Variants in FANCA observed in about 807,000 individuals in gnomAD.
FANCA encodes the protein FA complementation group A, also known as Fanconi anemia group A protein.
Under a neutral mutation model 194.3 loss-of-function variants are expected in FANCA, and 236 were observed. That is an observed-to-expected ratio of 1.21 (90% CI 1.09 to 1.35). The LOEUF (loss-of-function observed/expected upper bound fraction) is 1.35, where lower values mean the gene tolerates loss of function less well. Among genes scored for constraint, FANCA ranks in the 40% most tolerant of loss-of-function variants. FANCA has a pLI of 0.00. For synonymous variants in FANCA, 1,014 were observed against 715.8 expected, an observed-to-expected ratio of 1.42 and a Z score of -6.65; for missense variants, 2,628 against 1,813.9, an observed-to-expected ratio of 1.45 and a Z score of -8.15.
chr16:89,761,891 C>A, intron 29 of FANCA, 58 bp downstream of exon 29: 1 of 1,393,164 alleles, frequency 7.2e-7, no homozygotes. Context: ...TCCCAAAGTG[C>A]TGGGATTATA....
At chr16:89,803,427 G>T in intron 7 of FANCA, 86 bp from the exon 8 acceptor site, 2 of 1,270,874 alleles carry the variant, frequency 1.6e-6, no homozygotes, top group Non-Finnish European at 2.3e-6. Flanking sequence ...CTTCAGAGGG[G>T]CGGGTGAGCA....
chr16:89,739,640 A>G, intron 39 of FANCA, 87 bp from the exon 40 acceptor site: 2 of 1,511,516 alleles, frequency 1.3e-6, no homozygotes, highest in Non-Finnish European at 1.8e-6. Flanking sequence ...CGGGACGTGT[A>G]CCCTGGGAGG....
intron 34 of FANCA, 21 bp downstream of exon 34, chr16:89,746,810 G>C (rs753592540): frequency 6.4e-6 from 10 of 1,571,114 alleles, no homozygotes; most frequent in Non-Finnish European, 8.6e-6. Flanking sequence ...GGCCACGAGA[G>C]GGGCTGAGGG....
rs1195035194 is a variant in FANCA, at chr16:89,745,119, CA to C, written c.3514-49del. ...CAGATGAGGGTGGCTGAGATGGACACACCTCCGCTGCCCCAGCCATGACAAG... is the reference window on the plus strand; with the variant it reads ...CAGATGAGGGTGGCTGAGATGGACACCCTCCGCTGCCCCAGCCATGACAAG... On this transcript the variant is annotated intron_variant, in intron 35 of 42. Coordinates refer to ENST00000389301, the MANE Select transcript of FANCA (RefSeq NM_000135.4). 1.7e-5 allele frequency: 26 copies of C among 1,505,334 alleles called. No individual in the cohort carries two copies. The East Asian group carries it at 6.4e-4, about 37-fold the overall frequency. 93.2% of individuals were successfully genotyped at this position (1,505,334 alleles called of 1,614,324 possible).
At position 89,740,636 on chromosome 16, in the gene FANCA, CA is replaced by C. The variant is rs371709074; in HGVS notation, c.3828+167del. The C allele has an allele frequency of 0.11, 50,041 of 444,902 alleles. 70 individuals are homozygous for C. The highest frequency in any genetic ancestry group is 0.14 in the South Asian group (5,956 of 41,792). The allele number at this position is 444,902 out of a possible 1,614,324, so 27.6% of individuals were successfully genotyped here. A position where few individuals can be genotyped will look rare whatever the true frequency, so the allele number is the denominator to read the frequency against. On this transcript the variant is annotated intron_variant, in intron 38 of 42. Coordinates refer to ENST00000389301, the MANE Select transcript of FANCA (RefSeq NM_000135.4). ...GGGTGACAGAGTGAGACCCCCATCT[CA>C]AAAAAAAAAAAAAAAAACCCACGGC... is the stretch of plus-strand genomic sequence containing the variant.
chr16:89,760,906 G>A (rs929484730), intron 29 of FANCA, among the ~76,000 whole-genome samples: 2 of 152,130 alleles, frequency 1.3e-5, no homozygotes, highest in East Asian at 1.9e-4. Flanking sequence ...CTGGACACAG[G>A]TGTACAGCTC....
intron 3 of FANCA, among the ~76,000 whole-genome samples, chr16:89,812,949 C>A (rs2040956900): frequency 6.6e-6 from 1 of 150,732 alleles, no homozygotes; most frequent in African/African-American, 2.4e-5. Context: ...AGGAGAATTG[C>A]TTGAACCCAG....
At chr16:89,739,617 C>T in intron 39 of FANCA, 64 bp from the exon 40 acceptor site, 1 of 1,532,582 alleles carries the variant, frequency 6.5e-7, no homozygotes, top group Non-Finnish European at 8.8e-7. Flanking sequence ...GTGCTGGGGA[C>T]ACCCCTGGGG....
intron 1 of FANCA, 65 bp downstream of exon 1, chr16:89,816,470 CGG>C (rs1567659928): frequency 7.3e-7 from 1 of 1,366,310 alleles, no homozygotes; most frequent in South Asian, 1.4e-5. Context: ...GGGAAGGGAT[CGG>C]GGAACCGGCG....
At chr16:89,753,915 C>T (rs147511590) in intron 30 of FANCA, among the ~76,000 whole-genome samples, 1,954 of 152,224 alleles carry the variant, frequency 0.013, 33 homozygotes, top group South Asian at 0.091. Context: ...ATTAGACGGG[C>T]GTGTTAGCGG....
In FANCA at chr16:89,746,666, C is replaced by T. The variant is rs138112218; in HGVS notation, c.3431G>A (p.Arg1144Gln). The change falls in exon 35 of 43, where the codon CGG (arginine) becomes CAG (glutamine). Residue 1144 changes from arginine to glutamine, a missense_variant. Physicochemically the swap from Arg to Gln is conservative, Grantham distance 43. Coordinates refer to ENST00000389301, the MANE Select transcript of FANCA (RefSeq NM_000135.4). ...GACCATCAGGGAGGGGTCTCTGCTCCGCAGACAGGCGTTCAGGAGGCCCTG... is the reference window on the plus strand; with the variant it reads ...GACCATCAGGGAGGGGTCTCTGCTCTGCAGACAGGCGTTCAGGAGGCCCTG... ...FFRGLLNACL[R>Q]SRDPSLMVDF... The T allele has an allele frequency of 1.7e-5, 27 of 1,614,100 alleles. No homozygotes were observed. Among genetic ancestry groups the T allele is most frequent in the Admixed American group, 1.5e-4 (9 of 60,020 alleles).
At chr16:89,761,907 G>T in intron 29 of FANCA, 42 bp downstream of exon 29, 1 of 1,502,580 alleles carries the variant, frequency 6.7e-7, no homozygotes, top group Non-Finnish European at 9.3e-7. Context: ...TTATAGGTGT[G>T]AGCCATCATG....
At chr16:89,806,041 C>T (rs1368000872) in intron 6 of FANCA, among the ~76,000 whole-genome samples, 1 of 152,072 alleles carries the variant, frequency 6.6e-6, no homozygotes, top group Non-Finnish European at 1.5e-5. Context: ...GCCTCCACAA[C>T]GGCTGGGATT....
At chr16:89,793,123 C>T (rs1304781379) in intron 11 of FANCA, among the ~76,000 whole-genome samples, 1 of 152,140 alleles carries the variant, frequency 6.6e-6, no homozygotes, top group Non-Finnish European at 1.5e-5. Context: ...AGGCCCTCCA[C>T]AAGAGGTGGA....
chr16:89,742,759 C>G (rs373592545), intron 37 of FANCA, 41 bp downstream of exon 37: 1 of 1,603,148 alleles, frequency 6.2e-7, no homozygotes, highest in South Asian at 1.1e-5. Context: ...TGAAACCAAG[C>G]TTGCGAGAAA....
Position 89,758,576 on chromosome 16 carries a change from C to T in FANCA, c.2981+1G>A, listed in dbSNP as rs1555542860. The stretch of plus-strand genomic sequence containing the variant: ...ACCCTAATACAGTGTGTGCTGCTAA[C>T]CTTTGGTGGAAATCCATCAGTGCGT... On this transcript the variant is annotated splice_donor_variant, in intron 30 of 42. Transcript: ENST00000389301. LOFTEE classifies it high-confidence loss of function. 1 of 1,613,460 alleles carries T rather than the reference C, an allele frequency of 6.2e-7. No homozygotes were observed. The highest frequency in any genetic ancestry group is 1.3e-5 in the African/African-American group (1 of 75,020).
intron 2 of FANCA, 22 bp from the exon 3 acceptor site, chr16:89,814,635 A>G: frequency 6.4e-7 from 1 of 1,572,054 alleles, no homozygotes; most frequent in Non-Finnish European, 8.8e-7. Context: ...AACACAACAA[A>G]CTCCATTTAA....
chr16:89,787,614 C>T (rs938681975), intron 14 of FANCA, among the ~76,000 whole-genome samples: 3 of 152,008 alleles, frequency 2.0e-5, no homozygotes, highest in South Asian at 2.1e-4. Context: ...CATACACCTG[C>T]GGACTCAGCT....
Position 89,769,680 on chromosome 16 carries a change from A to G in FANCA, c.2504+157T>C, listed in dbSNP as rs954307429. On this transcript the variant is annotated intron_variant, in intron 26 of 42. Transcript: ENST00000389301. Reference sequence around the variant, plus strand: ...AACGCACGCATATTATAAACAAATGACAGATAAAATTCTGGAAGGATATAT... The same window carrying G: ...AACGCACGCATATTATAAACAAATGGCAGATAAAATTCTGGAAGGATATAT... 6.4e-6 allele frequency: 5 copies of G among 781,862 alleles called. No individual in the cohort carries two copies. In the African/African-American group the frequency reaches 8.6e-5, roughly 13 times the overall value. 48.4% of individuals were successfully genotyped at this position (781,862 alleles called of 1,614,324 possible). A position where few individuals can be genotyped will look rare whatever the true frequency, so the allele number is the denominator to read the frequency against.
Sources: allele counts gnomAD v4.1 joint callset (sites outside exome capture counted in the v4.1 genomes callset), GRCh38; gene constraint gnomAD v4.1.1; transcripts MANE v1.5; gene names NCBI Gene and HGNC (gene_info 2026-07-23, HGNC 2026-07-21).